The following DACH1 variants were observed in gnomAD, a reference collection of about 807,000 sequenced individuals.
DACH1 encodes the protein dachshund family transcription factor 1.
DACH1 carries 12 observed loss-of-function variants against 54.2 expected under a neutral mutation model. That is an observed-to-expected ratio of 0.22 (90% CI 0.14 to 0.36). The LOEUF (loss-of-function observed/expected upper bound fraction) is 0.36, where lower values mean the gene tolerates loss of function less well. Among genes scored for constraint, DACH1 ranks in the 10% least tolerant of loss-of-function variants. DACH1 has a pLI of 1.00. For synonymous variants in DACH1, 386 were observed against 366.2 expected (o/e 1.05, Z -0.62); for missense variants, 805 against 929.8 (o/e 0.87, Z 1.75).
intron 1 of DACH1, among the ~76,000 whole-genome samples, chr13:71,794,674 G>A (rs1391283770): frequency 6.6e-6 from 1 of 152,132 alleles, no homozygotes; most frequent in East Asian, 1.9e-4. Flanking sequence ...CTGACCTCAG[G>A]TGATCCTCCC....
intron 1 of DACH1, among the ~76,000 whole-genome samples, chr13:71,805,952 C>G (rs1225155513): frequency 6.6e-6 from 1 of 152,042 alleles, no homozygotes; most frequent in Admixed American, 6.6e-5. Context: ...GGATTACAGG[C>G]TTGTGCCACC....
chr13:71,524,188 A>T lies in DACH1; in HGVS notation c.1570+32836T>A, dbSNP rs867739620. Among the ~76,000 whole-genome samples the T allele has an allele frequency of 3.8e-4, 58 of 152,264 alleles. 1 individual carries two copies. Among genetic ancestry groups the T allele is most frequent in the African/African-American group, 1.3e-3 (56 of 41,576 alleles). On this transcript the variant is annotated intron_variant, in intron 6 of 10. Coordinates refer to ENST00000613252, the MANE Select transcript of DACH1 (RefSeq NM_080759.6). ...AGAGAAAAACATTAGGACCACAGTG[A>T]TTACACTTGTAGAATAATTCAAATA...
chr13:71,640,728 T>A (rs1877833324), intron 2 of DACH1, among the ~76,000 whole-genome samples: 1 of 152,118 alleles, frequency 6.6e-6, no homozygotes, highest in Admixed American at 6.5e-5. Context: ...TAGCTCTAAG[T>A]AGCATGAGAG....
chr13:71,515,954 G>T (rs1252072865), intron 6 of DACH1, among the ~76,000 whole-genome samples: 1 of 151,806 alleles, frequency 6.6e-6, no homozygotes, highest in Non-Finnish European at 1.5e-5. Flanking sequence ...CTCTGTCAGA[G>T]CACAACGATT....
chr13:71,593,463 G>A (rs964832184), intron 3 of DACH1, among the ~76,000 whole-genome samples: 2 of 152,018 alleles, frequency 1.3e-5, no homozygotes, highest in African/African-American at 4.8e-5. Flanking sequence ...GTTTTAACTG[G>A]TAAATGAAAG....
At chr13:71,620,984 T>C (rs1876192431) in intron 3 of DACH1, among the ~76,000 whole-genome samples, 1 of 151,946 alleles carries the variant, frequency 6.6e-6, no homozygotes. Flanking sequence ...ATATGTGCCA[T>C]AAAGCCATGC....
chr13:71,865,891 CG>C, intron 1 of DACH1, 30 bp downstream of exon 1: 1 of 1,551,724 alleles, frequency 6.4e-7, no homozygotes, highest in Non-Finnish European at 8.7e-7. Context: ...GGAAGGGGCG[CG>C]GGCGGCGGGG....
chr13:71,665,168 C>T (rs1056290076), intron 2 of DACH1, among the ~76,000 whole-genome samples: 2 of 151,820 alleles, frequency 1.3e-5, no homozygotes, highest in African/African-American at 4.8e-5. Flanking sequence ...TAGCATAAAA[C>T]ATTTGTCAGT....
At chr13:71,508,414 A>T (rs935543955) in intron 6 of DACH1, among the ~76,000 whole-genome samples, 11 of 152,114 alleles carry the variant, frequency 7.2e-5, no homozygotes, top group African/African-American at 2.4e-4. Context: ...ACTTGTTAGT[A>T]TCATTTTATA....
chr13:71,719,502 TAGAAGTC>T (rs924334786), intron 1 of DACH1, among the ~76,000 whole-genome samples: 4 of 152,192 alleles, frequency 2.6e-5, no homozygotes, highest in African/African-American at 9.6e-5. Context: ...GATTTTTTTC[TAGAAGTC>T]ACAGTACACT....
intron 8 of DACH1, among the ~76,000 whole-genome samples, chr13:71,478,437 T>C (rs1414012483): frequency 2.6e-5 from 4 of 152,328 alleles, no homozygotes; most frequent in East Asian, 1.9e-4. Context: ...GCATTTATAT[T>C]GGATATATAT....
At chr13:71,615,966 A>T (rs902349625) in intron 3 of DACH1, among the ~76,000 whole-genome samples, 6 of 152,222 alleles carry the variant, frequency 3.9e-5, no homozygotes, top group African/African-American at 1.4e-4. Flanking sequence ...AGCCCTATGT[A>T]ATATTTCAAA....
At chr13:71,748,884 T>G (rs1189515297) in intron 1 of DACH1, among the ~76,000 whole-genome samples, 4 of 16,492 alleles carry the variant, frequency 2.4e-4, no homozygotes, top group African/African-American at 4.2e-4. Context: ...CTTTCTTTCT[T>G]TCTTTCTTTC....
chr13:71,497,538 G>C (rs983244240), intron 6 of DACH1, among the ~76,000 whole-genome samples: 1 of 151,972 alleles, frequency 6.6e-6, no homozygotes, highest in African/African-American at 2.4e-5. Context: ...CTCCATGTTG[G>C]TCATGCTGGT....
At chr13:71,864,832 G>T (rs1874612128) in intron 1 of DACH1, among the ~76,000 whole-genome samples, 1 of 150,672 alleles carries the variant, frequency 6.6e-6, no homozygotes, top group East Asian at 2.0e-4. Context: ...CGCCTCCTCC[G>T]TGCGCGCGCT....
chr13:71,673,508 A>T (rs1451991748), intron 2 of DACH1, among the ~76,000 whole-genome samples: 1 of 152,108 alleles, frequency 6.6e-6, no homozygotes, highest in Non-Finnish European at 1.5e-5. Flanking sequence ...ATAATATAGT[A>T]CAAATGTAGT....
rs1883886263 is a variant in DACH1, at chr13:71,552,608, C to T, written c.1570+4416G>A. On this transcript the variant is annotated intron_variant, in intron 6 of 10. Coordinates refer to ENST00000613252, the MANE Select transcript of DACH1 (RefSeq NM_080759.6). Reference sequence around the variant, plus strand: ...GTGGAGGATAAACAGAGAGCTCTAGCATCAAGAAACAGTGAGCCTATTTAT... The same window carrying T: ...GTGGAGGATAAACAGAGAGCTCTAGTATCAAGAAACAGTGAGCCTATTTAT... Among the ~76,000 whole-genome samples the T allele has an allele frequency of 1.3e-5, 2 of 150,808 alleles. 1 individual carries two copies. The highest frequency in any genetic ancestry group is 4.2e-4 in the South Asian group (2 of 4,762).
intron 4 of DACH1, among the ~76,000 whole-genome samples, chr13:71,569,468 C>A (rs963727272): frequency 4.6e-5 from 7 of 151,898 alleles, no homozygotes; most frequent in Non-Finnish European, 1.0e-4. Flanking sequence ...AAATATTTTT[C>A]TTTTTATTTT....
intron 1 of DACH1, among the ~76,000 whole-genome samples, chr13:71,732,807 T>C (rs562151422): frequency 1.1e-3 from 162 of 152,252 alleles, no homozygotes; most frequent in Non-Finnish European, 1.9e-3. Context: ...CCTACAGATA[T>C]TTACTATCTA....
Sources: gnomAD v4.1 joint callset for allele counts (sites outside exome capture counted in the v4.1 genomes callset) on GRCh38, gnomAD v4.1.1 for gene constraint, MANE v1.5 for transcripts, NCBI Gene and HGNC (gene_info 2026-07-23, HGNC 2026-07-21) for gene names.